MASP1: variants seen among roughly 807,000 people sequenced by gnomAD.
MASP1 encodes MBL associated serine protease 1.
In MASP1, 59 loss-of-function variants were observed where a neutral mutation model predicts 77.1. The ratio of observed to expected loss-of-function variants is 0.77; its 90% CI spans 0.62 to 0.95. The LOEUF (loss-of-function observed/expected upper bound fraction) is 0.95. Ranked by LOEUF, MASP1 falls within the 40% of genes least tolerant of loss-of-function variation. The pLI is 0.00. For missense variants in MASP1, 885 were observed against 912.9 expected (o/e 0.97, Z 0.39); for synonymous variants, 362 against 354.5 (o/e 1.02, Z -0.24).
At chr3:187,268,128 A>C (rs1698845600) in intron 2 of MASP1, among the ~76,000 whole-genome samples, 1 of 152,228 alleles carries the variant, frequency 6.6e-6, no homozygotes, top group Non-Finnish European at 1.5e-5. Flanking sequence ...AGACCACTTG[A>C]ATAATGCAAT....
exon 16 of MASP1, chr3:187,218,405 C>G (rs920792351): frequency 6.6e-6 from 1 of 152,622 alleles, no homozygotes; most frequent in African/African-American, 2.4e-5. Context: ...AACAGCATTA[C>G]AGTTCTTCTT....
exon 16 of MASP1, chr3:187,219,866 C>T (rs549502617): frequency 1.2e-4 from 73 of 607,938 alleles, no homozygotes; most frequent in Middle Eastern, 4.5e-4. Context: ...AGCCTGGATT[C>T]GGCCTGTGTT....
At chr3:187,286,131 A>C in intron 1 of MASP1, 75 bp from the exon 2 acceptor site, 1 of 1,199,170 alleles carries the variant, frequency 8.3e-7, no homozygotes, top group Non-Finnish European at 1.2e-6. Flanking sequence ...CACAGCCAGG[A>C]GAACAAGATC....
chr3:187,275,206 A>G (rs1716865766), intron 2 of MASP1, among the ~76,000 whole-genome samples: 1 of 152,204 alleles, frequency 6.6e-6, no homozygotes, highest in African/African-American at 2.4e-5. Flanking sequence ...CTTCTGCGGC[A>G]GAAGCTGCGT....
In MASP1 at chr3:187,271,693, A is replaced by G. The variant is rs145522197; in HGVS notation, c.238-8973T>C. ...ACATTTAAAAAGAAACTTGAGCTCA[A>G]AGCTGCTTCCCTCTAGCTTCCACCC... On this transcript the variant is annotated intron_variant, in intron 2 of 10. Coordinates refer to ENST00000296280, the MANE Select transcript of MASP1 (RefSeq NM_139125.4). Among the ~76,000 whole-genome samples, 361 of 152,282 alleles carry G rather than the reference A, an allele frequency of 2.4e-3. 5 individuals carry two copies. Among genetic ancestry groups the G allele is most frequent in the Admixed American group, 0.019 (296 of 15,300 alleles).
chr3:187,225,309 G>A (rs767798736), intron 13 of MASP1: 1 of 1,612,422 alleles, frequency 6.2e-7, no homozygotes, highest in Non-Finnish European at 8.5e-7. Flanking sequence ...CAGAGGTGGA[G>A]GTAGGGGAAA....
intron 5 of MASP1, among the ~76,000 whole-genome samples, chr3:187,254,306 G>T (rs187464922): frequency 7.8e-4 from 119 of 152,202 alleles, no homozygotes; most frequent in African/African-American, 2.7e-3. Context: ...ATAACTTTAG[G>T]TAATCAAGGA....
chr3:187,231,985 G>A (rs369209544), downstream of MASP1, among the ~76,000 whole-genome samples: 23 of 152,048 alleles, frequency 1.5e-4, 2 homozygotes, highest in African/African-American at 5.3e-4. Flanking sequence ...AGAGAGGACC[G>A]AGAGAGAGAG....
chr3:187,250,296 A>G lies in MASP1; in HGVS notation c.1045T>C (p.Cys349Arg). 6.2e-7 allele frequency: 1 copy of G among 1,613,882 alleles called. No homozygotes were observed. The highest frequency in any genetic ancestry group is 8.5e-7 in the Non-Finnish European group (1 of 1,179,858). Residue 349 changes from cysteine (C) to arginine (R), a missense_variant, in exon 8 of 11, where the codon TGT becomes CGT. Cys to Arg is a radical substitution (Grantham distance 180). Coordinates refer to ENST00000296280, the MANE Select transcript of MASP1 (RefSeq NM_139125.4). ...TTACTCCACGTCCCATCCTTCAGAC[A>G]CTCAATCTGGAATGTGTCCATCTCC... is the stretch of plus-strand genomic sequence containing the variant. ...NVEMDTFQIE[C>R]LKDGTWSNKI...
exon 16 of MASP1, chr3:187,220,240 C>T (rs1377249749): frequency 1.2e-6 from 2 of 1,614,150 alleles, no homozygotes; most frequent in South Asian, 2.2e-5. Context: ...TCCAGAGTCA[C>T]CCGCACAGGC....
At chr3:187,241,442 T>C (rs1393479138) in intron 10 of MASP1, 39 bp downstream of exon 10, 2 of 1,570,542 alleles carry the variant, frequency 1.3e-6, no homozygotes, top group Non-Finnish European at 1.8e-6. Context: ...GGGCCTTGGA[T>C]GGAAAACTGT....
At chr3:187,257,522 C>T (rs781348890) in intron 4 of MASP1, among the ~76,000 whole-genome samples, 4 of 152,058 alleles carry the variant, frequency 2.6e-5, no homozygotes, top group African/African-American at 7.2e-5. Flanking sequence ...ATAGCTGGGA[C>T]GACAGGCACG....
intron 7 of MASP1, among the ~76,000 whole-genome samples, chr3:187,250,796 C>T (rs957359044): frequency 2.6e-5 from 4 of 152,108 alleles, no homozygotes; most frequent in Non-Finnish European, 5.9e-5. Flanking sequence ...TCCTTGAAAG[C>T]GATGGTCCTC....
At chr3:187,263,363 T>C (rs1715764813) in intron 2 of MASP1, 1 of 153,636 alleles carries the variant, frequency 6.5e-6, no homozygotes, top group African/African-American at 2.4e-5. Context: ...GTGTCTTCAG[T>C]GCATGGAACA....
chr3:187,252,616 T>C (rs1006525235), intron 6 of MASP1, among the ~76,000 whole-genome samples: 1 of 152,204 alleles, frequency 6.6e-6, no homozygotes, highest in African/African-American at 2.4e-5. Context: ...TCACTGATGT[T>C]CACCCTCTCC....
chr3:187,248,439 G>C (rs1388399500), intron 8 of MASP1, among the ~76,000 whole-genome samples: 1 of 152,180 alleles, frequency 6.6e-6, no homozygotes, highest in Non-Finnish European at 1.5e-5. Context: ...CAAAGAGTCT[G>C]AATACACTGA....
At chr3:187,227,466 G>A (rs1188489420) in intron 11 of MASP1, among the ~76,000 whole-genome samples, 1 of 152,140 alleles carries the variant, frequency 6.6e-6, no homozygotes. Flanking sequence ...AAGCCCATAA[G>A]TGGCTGAGCC....
intron 2 of MASP1, among the ~76,000 whole-genome samples, chr3:187,278,086 T>C (rs780352259): frequency 1.3e-5 from 2 of 152,222 alleles, no homozygotes; most frequent in African/African-American, 2.4e-5. Flanking sequence ...GTTGGACATA[T>C]GACATTAAAG....
intron 1 of MASP1, among the ~76,000 whole-genome samples, chr3:187,289,447 G>C (rs1176301894): frequency 2.0e-5 from 3 of 152,190 alleles, no homozygotes; most frequent in African/African-American, 4.8e-5. Flanking sequence ...AACTTCAACA[G>C]AAGAAGGGAA....
Sources: allele counts gnomAD v4.1 joint callset (sites outside exome capture counted in the v4.1 genomes callset), GRCh38; gene constraint gnomAD v4.1.1; transcripts MANE v1.5; gene names NCBI Gene and HGNC (gene_info 2026-07-23, HGNC 2026-07-21).